Variants in CEP128 observed in about 807,000 individuals in gnomAD.
CEP128 encodes the protein centrosomal protein 128kDa.
CEP128 carries 132 observed loss-of-function variants against 156.7 expected under a neutral mutation model. The ratio of observed to expected loss-of-function variants is 0.84; its 90% CI spans 0.73 to 0.97. The LOEUF (loss-of-function observed/expected upper bound fraction) is 0.97. CEP128 is among the 50% of genes least tolerant of loss of function. CEP128 has a pLI of 0.00. For synonymous variants in CEP128, 469 were observed against 448.9 expected (o/e 1.04, Z -0.57); for missense variants, 1,252 against 1,281.9 (o/e 0.98, Z 0.36).
At chr14:80,902,353 T>G (rs1468736104) in intron 6 of CEP128, among the ~76,000 whole-genome samples, 1 of 152,202 alleles carries the variant, frequency 6.6e-6, no homozygotes, top group East Asian at 1.9e-4. Flanking sequence ...GTTCTGGGCT[T>G]CATCACATAG....
intron 15 of CEP128, 50 bp downstream of exon 15, chr14:80,784,845 G>A (rs917835148): frequency 4.9e-6 from 7 of 1,442,666 alleles, no homozygotes; most frequent in East Asian, 2.3e-5. Flanking sequence ...AACTTCATGA[G>A]CCACCAGAAA....
At chr14:80,567,809 A>G (rs895373512) in intron 20 of CEP128, among the ~76,000 whole-genome samples, 1 of 152,156 alleles carries the variant, frequency 6.6e-6, no homozygotes, top group Non-Finnish European at 1.5e-5. Flanking sequence ...GGCTAGGGGC[A>G]ATGCAAAGGA....
In CEP128 at chr14:80,788,488, T is replaced by C. The variant is rs555926684; in HGVS notation, c.1561-2943A>G. Among the ~76,000 whole-genome samples the C allele has an allele frequency of 1.3e-4, 20 of 152,160 alleles. No individual in the cohort carries two copies. In the Middle Eastern group the frequency reaches 0.01, roughly 78 times the overall value. On this transcript the variant is annotated intron_variant, in intron 14 of 24. Transcript: ENST00000555265. ...AGAAACGAACAAAACTCTCTGCTTTTAGACAGACCAGTTTCAACCTAAACT... is the reference window on the plus strand; with the variant it reads ...AGAAACGAACAAAACTCTCTGCTTTCAGACAGACCAGTTTCAACCTAAACT...
chr14:80,804,415 T>C (rs1399877583), intron 13 of CEP128, among the ~76,000 whole-genome samples: 5 of 152,128 alleles, frequency 3.3e-5, no homozygotes, highest in Non-Finnish European at 5.9e-5. Flanking sequence ...GGAAATGCAG[T>C]AACATTAAAG....
downstream of CEP128, among the ~76,000 whole-genome samples, chr14:80,488,021 A>C (rs1245815854): frequency 6.7e-6 from 1 of 150,348 alleles, no homozygotes; most frequent in Admixed American, 6.7e-5. Context: ...AGAAATAACT[A>C]AAATCAGAGC....
intron 1 of CEP128, among the ~76,000 whole-genome samples, chr14:80,940,998 GGCTC>G (rs1886121235): frequency 6.6e-6 from 1 of 152,126 alleles, no homozygotes; most frequent in Non-Finnish European, 1.5e-5. Flanking sequence ...ATAACAGATT[GGCTC>G]CATCAAACCA....
At chr14:80,620,294 G>A (rs1299269011) in intron 19 of CEP128, among the ~76,000 whole-genome samples, 1 of 151,998 alleles carries the variant, frequency 6.6e-6, no homozygotes, top group East Asian at 1.9e-4. Flanking sequence ...CAGTTTTAGT[G>A]GTCGACTAAG....
chr14:80,786,739 C>T (rs766047142), intron 14 of CEP128, among the ~76,000 whole-genome samples: 6 of 151,590 alleles, frequency 4.0e-5, no homozygotes, highest in Non-Finnish European at 5.9e-5. Flanking sequence ...AAAGGGGAAA[C>T]AAAAAGTTGG....
intron 3 of CEP128, among the ~76,000 whole-genome samples, chr14:80,915,065 T>C (rs1159928649): frequency 6.6e-6 from 1 of 152,212 alleles, no homozygotes; most frequent in East Asian, 1.9e-4. Flanking sequence ...TACTTACTTA[T>C]TGATGAGAAA....
At chr14:80,757,843 C>G (rs369851465) in intron 17 of CEP128, among the ~76,000 whole-genome samples, 1 of 152,200 alleles carries the variant, frequency 6.6e-6, no homozygotes, top group African/African-American at 2.4e-5. Context: ...GAGTGCCCAC[C>G]ACATATCACA....
At chr14:80,565,113 G>A (rs1391807389) in intron 20 of CEP128, among the ~76,000 whole-genome samples, 2 of 152,046 alleles carry the variant, frequency 1.3e-5, no homozygotes, top group African/African-American at 4.8e-5. Context: ...GCAGCCTCTG[G>A]CTTCCAGAGT....
chr14:80,827,918 C>G (rs1234993466), intron 13 of CEP128, among the ~76,000 whole-genome samples: 5 of 152,060 alleles, frequency 3.3e-5, no homozygotes. Flanking sequence ...ACACCTCTCT[C>G]TTCTGAGTTT....
At chr14:80,509,401 C>G (rs771400277) in intron 23 of CEP128, among the ~76,000 whole-genome samples, 5 of 152,176 alleles carry the variant, frequency 3.3e-5, no homozygotes, top group Non-Finnish European at 7.3e-5. Flanking sequence ...ATCTTGAGCC[C>G]ATTTCCTACA....
chr14:80,886,839 T>C (rs1180189544), intron 8 of CEP128, among the ~76,000 whole-genome samples: 1 of 152,094 alleles, frequency 6.6e-6, no homozygotes, highest in Non-Finnish European at 1.5e-5. Context: ...ACTGGCAAAT[T>C]GGAAAAAGAG....
intron 19 of CEP128, among the ~76,000 whole-genome samples, chr14:80,687,352 G>A (rs1163333587): frequency 6.6e-6 from 1 of 152,022 alleles, no homozygotes; most frequent in Non-Finnish European, 1.5e-5. Flanking sequence ...TAGTGGACTG[G>A]ATAAAGAAAA....
At chr14:80,791,060 GATTTT>G (rs1472801752) in intron 14 of CEP128, among the ~76,000 whole-genome samples, 1 of 152,062 alleles carries the variant, frequency 6.6e-6, no homozygotes, top group African/African-American at 2.4e-5. Flanking sequence ...GTGGCTTTGT[GATTTT>G]ATTGAGAATT....
chr14:80,522,064 T>C (rs1888768913), intron 23 of CEP128, among the ~76,000 whole-genome samples: 1 of 152,166 alleles, frequency 6.6e-6, no homozygotes, highest in Non-Finnish European at 1.5e-5. Context: ...CTCTCTCAAA[T>C]CCTCCCATGG....
rs145680589 is a variant in CEP128, at chr14:80,690,273, G to A, written c.2806+52802C>T. ...AAAAAAAAAAAAAAAAAAATTAGCC[G>A]GGCATGGTGGCACATGCCTGTAATC... On this transcript the variant is annotated intron_variant, in intron 19 of 24. Transcript: ENST00000555265. Among the ~76,000 whole-genome samples the A allele has an allele frequency of 9.7e-3, 1,466 of 150,504 alleles. 32 individuals carry two copies. Among genetic ancestry groups the A allele is most frequent in the African/African-American group, 0.034 (1,390 of 40,714 alleles).
chr14:80,630,336 T>C (rs932762463), intron 19 of CEP128, among the ~76,000 whole-genome samples: 1 of 151,852 alleles, frequency 6.6e-6, no homozygotes, highest in African/African-American at 2.4e-5. Flanking sequence ...TGTAAGTAAA[T>C]TGAATTGAAT....
Sources: gnomAD v4.1 joint callset for allele counts (sites outside exome capture counted in the v4.1 genomes callset) on GRCh38, gnomAD v4.1.1 for gene constraint, MANE v1.5 for transcripts, NCBI Gene and HGNC (gene_info 2026-07-23, HGNC 2026-07-21) for gene names.